Variants in BCKDK observed in about 807,000 individuals in gnomAD.
BCKDK encodes branched-chain alpha-ketoacid dehydrogenase kinase.
A neutral mutation model predicts 43.9 loss-of-function variants in BCKDK; 28 were observed. The observed-to-expected ratio is 0.64, with a 90% confidence interval of 0.47 to 0.87. The LOEUF is 0.87. Among genes scored for constraint, BCKDK ranks in the 40% least tolerant of loss-of-function variants. The pLI, the probability that BCKDK is intolerant of heterozygous loss-of-function variation, is 0.00. For missense variants in BCKDK, 483 were observed against 581.4 expected (o/e 0.83, Z 1.74); for synonymous variants, 257 against 234.3 (o/e 1.10, Z -0.88).
chr16:31,109,262 C>A lies in BCKDK; in HGVS notation c.39C>A (p.Gly13=). 6.4e-7 allele frequency: 1 copy of A among 1,557,108 alleles called. No individual in the cohort carries two copies. The change falls in exon 2 of 12, where the codon GGC becomes GGA. Residue 13 remains glycine (G), a synonymous_variant. Coordinates refer to ENST00000219794, the MANE Select transcript of BCKDK (RefSeq NM_005881.4). This position sits in a 1 kb window ranked among gnomAD's most constrained non-coding sequence, Gnocchi z 5.3. ...LASVLRSGPG[G]GLPLRPLLGP... ...CGGTGCTGAGGAGCGGTCCCGGGGGCGGGCTTCCGCTCCGGCCCCTCCTGG... is the reference window on the plus strand; with the variant it reads ...CGGTGCTGAGGAGCGGTCCCGGGGGAGGGCTTCCGCTCCGGCCCCTCCTGG...
At chr16:31,111,433 G>A in intron 10 of BCKDK, 44 bp downstream of exon 10, 1 of 1,586,046 alleles carries the variant, frequency 6.3e-7, no homozygotes. Flanking sequence ...TGGGATGGGG[G>A]TCTAGGCACT....
In BCKDK at chr16:31,111,297, T is replaced by C. The variant is rs118042732; in HGVS notation, c.846-3T>C. 68 of 1,614,132 alleles carry C rather than the reference T, an allele frequency of 4.2e-5. No individual in the cohort carries two copies. The Admixed American group carries it at 8.0e-4, about 19-fold the overall frequency. On this transcript the variant is annotated splice_region_variant and splice_polypyrimidine_tract_variant and intron_variant, in intron 9 of 11. Coordinates refer to ENST00000219794, the MANE Select transcript of BCKDK (RefSeq NM_005881.4). ...TACCTACTGGTCTTTCCCCTCTGCA[T>C]AGAGCCACAATGGAGAGTCACCTAG...
Position 31,109,047 on chromosome 16 carries a change from A to G in BCKDK, c.-177A>G. ...AACTTCCTCTTCCCCGCCCCGGTAG[A>G]TGGGAGCTGCTCTCCGCGGGCTGAG... On this transcript the variant is annotated splice_region_variant and 5_prime_UTR_variant, in exon 2 of 12. The change abolishes an upstream ATG in the 5' untranslated region. Transcript: ENST00000219794. The surrounding 1 kb of genome is among the most constrained non-coding windows in gnomAD (Gnocchi z 5.3). 1 of 529,412 alleles carries G rather than the reference A, an allele frequency of 1.9e-6. No individual in the cohort carries two copies. The highest frequency in any genetic ancestry group is 3.3e-5 in the South Asian group (1 of 30,706). The allele number at this position is 529,412 out of a possible 1,614,324, so 32.8% of individuals were successfully genotyped here.
chr16:31,113,349 CCA>C (rs760615579), downstream of BCKDK, among the ~76,000 whole-genome samples: 3 of 152,218 alleles, frequency 2.0e-5, no homozygotes, highest in Non-Finnish European at 4.4e-5. Context: ...GGCTAGGAAA[CCA>C]CAGTGACTTG....
chr16:31,110,388 T>G lies in BCKDK; in HGVS notation c.544-13T>G, dbSNP rs748345434. 1 of 1,614,010 alleles carries G rather than the reference T, an allele frequency of 6.2e-7. No individual in the cohort carries two copies. On this transcript the variant is annotated splice_polypyrimidine_tract_variant and intron_variant, in intron 6 of 11. Transcript: ENST00000219794. The surrounding 1 kb of genome is among the most constrained non-coding windows in gnomAD (Gnocchi z 5.4). ...GGGAAGGGCACGGGATTCTGAGACC[T>G]CACTCTTTACAGGATGAAAAGCTCG... is the stretch of plus-strand genomic sequence containing the variant.
rs2057398943 is a variant in BCKDK at position 31,110,193 on chromosome 16, T to C, written c.424-12T>C. 2.5e-6 allele frequency: 4 copies of C among 1,614,114 alleles called. No individual in the cohort carries two copies. Among genetic ancestry groups the C allele is most frequent in the Non-Finnish European group, 3.4e-6 (4 of 1,179,996 alleles). On this transcript the variant is annotated splice_polypyrimidine_tract_variant and intron_variant, in intron 5 of 11. Coordinates refer to ENST00000219794, the MANE Select transcript of BCKDK (RefSeq NM_005881.4). This position sits in a 1 kb window ranked among gnomAD's most constrained non-coding sequence, Gnocchi z 5.4. The stretch of plus-strand genomic sequence containing the variant: ...CTTGGACCACCCTTCCTCATGACTC[T>C]GTGACCTGCAGATCAAGGACCAGGC...
At chr16:31,115,256 C>T (rs1270492251), downstream of BCKDK, among the ~76,000 whole-genome samples, 1 of 129,768 alleles carries the variant, frequency 7.7e-6, no homozygotes, top group Non-Finnish European at 1.6e-5. Flanking sequence ...GAGTTTCACT[C>T]TTGTTGCCCA....
chr16:31,110,050 G>T lies in BCKDK; in HGVS notation c.376-27G>T. ...CTCTGCTCAGTGCCCATGCGGCTTT[G>T]TGAATTCCCACACCTCTTCCTTGCA... is the stretch of plus-strand genomic sequence containing the variant. On this transcript the variant is annotated intron_variant, in intron 4 of 11. Coordinates refer to ENST00000219794, the MANE Select transcript of BCKDK (RefSeq NM_005881.4). This position sits in a 1 kb window ranked among gnomAD's most constrained non-coding sequence, Gnocchi z 5.4. 1.9e-6 allele frequency: 3 copies of T among 1,614,088 alleles called. No individual in the cohort carries two copies. The highest frequency in any genetic ancestry group is 2.5e-6 in the Non-Finnish European group (3 of 1,180,028).
chr16:31,110,702 C>T lies in BCKDK; in HGVS notation c.657C>T (p.Gly219=). 1 of 1,614,094 alleles carries T rather than the reference C, an allele frequency of 6.2e-7. No homozygotes were observed. Among genetic ancestry groups the T allele is most frequent in the Non-Finnish European group, 8.5e-7 (1 of 1,180,032 alleles). ...TCTCCGGCCAGCCTGACTTTGTCGG[C>T]ATCATCTGTACTCGTCTCTCACCAA... is the stretch of plus-strand genomic sequence containing the variant. ...ALHEDKPDFV[G]IICTRLSPKK... is the part of the protein sequence containing the mutation. The change falls in exon 8 of 12, where the codon GGC becomes GGT. Residue 219 remains glycine (G), a synonymous_variant. Transcript: ENST00000219794. This position sits in a 1 kb window ranked among gnomAD's most constrained non-coding sequence, Gnocchi z 5.4.
In BCKDK at chr16:31,109,256, CG is replaced by C; in HGVS notation, c.38del (p.Gly13AlafsTer58). ...TGGCGTCGGTGCTGAGGAGCGGTCC[CG>C]GGGGCGGGCTTCCGCTCCGGCCCCT... Reference protein sequence around the residue: ...ILASVLRSGPGGGLPLRPLLG... With the variant: ...ILASVLRSGPXGGLPLRPLLG... On this transcript the variant is annotated frameshift_variant, in exon 2 of 12. Transcript: ENST00000219794. LOFTEE classifies it high-confidence loss of function. The surrounding 1 kb of genome is among the most constrained non-coding windows in gnomAD (Gnocchi z 5.3). The C allele has an allele frequency of 1.9e-6, 3 of 1,549,334 alleles. No homozygotes were observed. Among genetic ancestry groups the C allele is most frequent in the Non-Finnish European group, 1.7e-6 (2 of 1,149,604 alleles).
At position 31,112,416 on chromosome 16, in the gene BCKDK, T is replaced by C; in HGVS notation, c.*151T>C. 7.7e-7 allele frequency: 1 copy of C among 1,298,796 alleles called. No homozygotes were observed. Among genetic ancestry groups the C allele is most frequent in the East Asian group, 2.5e-5 (1 of 40,056 alleles). 80.5% of individuals were successfully genotyped at this position (1,298,796 alleles called of 1,614,324 possible). The stretch of plus-strand genomic sequence containing the variant: ...GATGGACTTACATGGAGCTGGGCAC[T>C]GCCCTGCCTCAACAGGGTCCATTGC... On this transcript the variant is annotated 3_prime_UTR_variant, in exon 12 of 12. Coordinates refer to ENST00000219794, the MANE Select transcript of BCKDK (RefSeq NM_005881.4). The surrounding 1 kb of genome is among the most constrained non-coding windows in gnomAD (Gnocchi z 5.0).
rs1215665388 is a variant in BCKDK at position 31,110,035 on chromosome 16, T to C, written c.376-42T>C. On this transcript the variant is annotated intron_variant, in intron 4 of 11. Coordinates refer to ENST00000219794, the MANE Select transcript of BCKDK (RefSeq NM_005881.4). This position sits in a 1 kb window ranked among gnomAD's most constrained non-coding sequence, Gnocchi z 5.4. ...GTGGGGGTGGCTGTTCTCTGCTCAG[T>C]GCCCATGCGGCTTTGTGAATTCCCA... is the stretch of plus-strand genomic sequence containing the variant. 1.7e-5 allele frequency: 27 copies of C among 1,613,858 alleles called. No individual in the cohort carries two copies. Among genetic ancestry groups the C allele is most frequent in the Non-Finnish European group, 2.3e-5 (27 of 1,179,820 alleles).
chr16:31,115,054 A>G (rs1237156439), downstream of BCKDK, among the ~76,000 whole-genome samples: 4 of 151,798 alleles, frequency 2.6e-5, no homozygotes, highest in Non-Finnish European at 5.9e-5. Context: ...CCTCCCAAGT[A>G]GCTGGGATTA....
chr16:31,111,202 G>C lies in BCKDK; in HGVS notation c.828G>C (p.Leu276=), dbSNP rs1327389814. 15 of 1,614,066 alleles carry C rather than the reference G, an allele frequency of 9.3e-6. No individual in the cohort carries two copies. The highest frequency in any genetic ancestry group is 1.2e-5 in the Non-Finnish European group (14 of 1,180,034). Residue 276 remains leucine (L), a synonymous_variant, in exon 9 of 12, where the codon CTG becomes CTC. Coordinates refer to ENST00000219794, the MANE Select transcript of BCKDK (RefSeq NM_005881.4). ...CACTGGACTACATCCTGCCGGAGCTGCTCAAGAATGCCATGAGGTGGGGTG... is the reference window on the plus strand; with the variant it reads ...CACTGGACTACATCCTGCCGGAGCTCCTCAAGAATGCCATGAGGTGGGGTG... ...PMPLDYILPE[L]LKNAMRATME...
chr16:31,110,412 C>T lies in BCKDK; in HGVS notation c.555C>T (p.Leu185=), dbSNP rs775304293. ...ESRKHIEDEK[L]VRYFLDKTLT... is the part of the protein sequence containing the mutation. ...CTCACTCTTTACAGGATGAAAAGCTCGTCCGCTACTTCTTGGACAAGACGC... is the reference window on the plus strand; with the variant it reads ...CTCACTCTTTACAGGATGAAAAGCTTGTCCGCTACTTCTTGGACAAGACGC... The change falls in exon 7 of 12, where the codon CTC becomes CTT. Residue 185 remains leucine, a synonymous_variant. Coordinates refer to ENST00000219794, the MANE Select transcript of BCKDK (RefSeq NM_005881.4). The surrounding 1 kb of genome is among the most constrained non-coding windows in gnomAD (Gnocchi z 5.4). 31 of 1,613,876 alleles carry T rather than the reference C, an allele frequency of 1.9e-5. No homozygotes were observed. The highest frequency in any genetic ancestry group is 1.7e-4 in the Middle Eastern group (1 of 6,060).
rs74015068 is a variant in BCKDK at position 31,111,229 on chromosome 16, C to T, written c.845+10C>T. On this transcript the variant is annotated intron_variant, in intron 9 of 11. Transcript: ENST00000219794. ...TCAAGAATGCCATGAGGTGGGGTGG[C>T]TTGATGTGCTGGCTTGGGGGCGGAC... 1.6e-3 allele frequency: 2,561 copies of T among 1,614,134 alleles called. 32 individuals are homozygous for T. In the African/African-American group the frequency reaches 0.031, roughly 20 times the overall value.
Position 31,109,149 on chromosome 16 carries a change from T to G in BCKDK, c.-75T>G. On this transcript the variant is annotated 5_prime_UTR_variant, in exon 2 of 12. Transcript: ENST00000219794. The surrounding 1 kb of genome is among the most constrained non-coding windows in gnomAD (Gnocchi z 5.3). ...TACCCACCCACACCCCCTTGCCCCA[T>G]TTTGGGTCGCCTGGGTCCTCAGTCC... 286 of 973,572 alleles carry G rather than the reference T, an allele frequency of 2.9e-4. No individual in the cohort carries two copies. Among genetic ancestry groups the G allele is most frequent in the East Asian group, 7.6e-4 (18 of 23,596 alleles). The allele number at this position is 973,572 out of a possible 1,614,324, so 60.3% of individuals were successfully genotyped here.
In BCKDK at chr16:31,110,912, G is replaced by A. The variant is rs2057406627; in HGVS notation, c.716+151G>A. On this transcript the variant is annotated intron_variant, in intron 8 of 11. Coordinates refer to ENST00000219794, the MANE Select transcript of BCKDK (RefSeq NM_005881.4). This position sits in a 1 kb window ranked among gnomAD's most constrained non-coding sequence, Gnocchi z 5.4. ...CAGCCAGATAATTCTTTGTCACAGGGGCTGCCCCGTGCACGTTAGGAAGTT... is the reference window on the plus strand; with the variant it reads ...CAGCCAGATAATTCTTTGTCACAGGAGCTGCCCCGTGCACGTTAGGAAGTT... The A allele has an allele frequency of 3.8e-6, 5 of 1,318,564 alleles. No individual in the cohort carries two copies. The highest frequency in any genetic ancestry group is 5.3e-6 in the Non-Finnish European group (5 of 943,560). 81.7% of individuals were successfully genotyped at this position (1,318,564 alleles called of 1,614,324 possible). A position where few individuals can be genotyped will look rare whatever the true frequency, so the allele number is the denominator to read the frequency against.
downstream of BCKDK, among the ~76,000 whole-genome samples, chr16:31,116,274 G>A (rs1033378416): frequency 3.4e-5 from 5 of 148,292 alleles, no homozygotes; most frequent in Non-Finnish European, 7.4e-5. Context: ...GTGCAATGGC[G>A]GGATCTCGGC....
Sources: allele counts gnomAD v4.1 joint callset (sites outside exome capture counted in the v4.1 genomes callset), GRCh38; gene constraint gnomAD v4.1.1; non-coding constraint Gnocchi (gnomAD v3.1); transcripts MANE v1.5; gene names NCBI Gene and HGNC (gene_info 2026-07-23, HGNC 2026-07-21).